Variants in FAM200B observed in about 807,000 individuals in gnomAD.
The protein encoded by FAM200B is zinc finger BED-type containing 11, also known as protein FAM200B.
In FAM200B, 32 loss-of-function variants were observed where a neutral mutation model predicts 33.1. The observed-to-expected ratio is 0.97, with a 90% confidence interval of 0.73 to 1.30. FAM200B has a LOEUF of 1.30. Ranked by LOEUF, FAM200B falls within the 50% of genes most tolerant of loss-of-function variation. The pLI is 0.00. For missense variants in FAM200B, 741 were observed against 754.0 expected, an observed-to-expected ratio of 0.98 and a Z score of 0.20; for synonymous variants, 240 against 264.8, an observed-to-expected ratio of 0.91 and a Z score of 0.91.
At chr4:15,648,200 A>G in the FAM200B span, among the ~76,000 whole-genome samples, 398 of 152,264 alleles carry the variant, frequency 2.6e-3, 1 homozygote, top group African/African-American at 9.2e-3. Context: ...CACAGAATAT[A>G]AGCCCTACCT....
At chr4:15,660,676 G>T in the FAM200B span, among the ~76,000 whole-genome samples, 1 of 152,124 alleles carries the variant, frequency 6.6e-6, no homozygotes, top group African/African-American at 2.4e-5. Flanking sequence ...AGTGATAAAA[G>T]GTGCTAGATT....
At chr4:15,674,993 T>A in the FAM200B span, among the ~76,000 whole-genome samples, 9 of 152,072 alleles carry the variant, frequency 5.9e-5, no homozygotes, top group African/African-American at 2.2e-4. Context: ...ATACCTACAA[T>A]CATTGTTTGC....
Position 15,689,037 on chromosome 4 carries a change from C to G in FAM200B, c.*86C>G, listed in dbSNP as rs1471438142. ...GTTATATTTAAATGGTACTATAATA[C>G]TGTGATACTTTTGTTATGTTTTAAT... On this transcript the variant is annotated 3_prime_UTR_variant, in exon 2 of 2. Coordinates refer to ENST00000422728, the MANE Select transcript of FAM200B (RefSeq NM_001145191.2). 3 of 953,810 alleles carry G rather than the reference C, an allele frequency of 3.1e-6. No homozygotes were observed. The African/African-American group carries it at 5.1e-5, about 16-fold the overall frequency. The allele number at this position is 953,810 out of a possible 1,614,324, so 59.1% of individuals were successfully genotyped here.
the FAM200B span, among the ~76,000 whole-genome samples, chr4:15,675,484 C>G: frequency 6.6e-6 from 1 of 151,776 alleles, no homozygotes; most frequent in African/African-American, 2.4e-5. Context: ...AAATTCAAGT[C>G]TTAGCTACCA....
At chr4:15,678,050 C>T (rs569384944), upstream of FAM200B, among the ~76,000 whole-genome samples, 38 of 152,096 alleles carry the variant, frequency 2.5e-4, no homozygotes, top group Non-Finnish European at 4.1e-4. Flanking sequence ...ATTAAATGGG[C>T]GGGTGGGTGT....
chr4:15,676,475 A>G, the FAM200B span, among the ~76,000 whole-genome samples: 4 of 152,188 alleles, frequency 2.6e-5, no homozygotes, highest in Non-Finnish European at 1.5e-5. Context: ...TTATATATTA[A>G]GAGAGACAAA....
At chr4:15,646,541 A>T in the FAM200B span, among the ~76,000 whole-genome samples, 2 of 148,676 alleles carry the variant, frequency 1.3e-5, no homozygotes, top group Admixed American at 7.8e-5. Flanking sequence ...AATGCTAAAT[A>T]TTTTTTATTA....
At chr4:15,652,679 C>G in the FAM200B span, among the ~76,000 whole-genome samples, 5 of 152,086 alleles carry the variant, frequency 3.3e-5, no homozygotes, top group Non-Finnish European at 5.9e-5. Flanking sequence ...CTGGCTTAAG[C>G]ATATAAGTGG....
chr4:15,677,630 A>G (rs1304670102), upstream of FAM200B, among the ~76,000 whole-genome samples: 4 of 152,300 alleles, frequency 2.6e-5, no homozygotes, highest in African/African-American at 2.4e-5. Context: ...AAACACATTA[A>G]TGTGCTGGGA....
the FAM200B span, among the ~76,000 whole-genome samples, chr4:15,639,801 C>A: frequency 1.8e-4 from 28 of 152,082 alleles, no homozygotes; most frequent in African/African-American, 6.8e-4. Context: ...AAAATACTAT[C>A]GGGGTTTCTT....
the FAM200B span, among the ~76,000 whole-genome samples, chr4:15,650,660 T>C: frequency 8.1e-6 from 1 of 124,172 alleles, no homozygotes; most frequent in African/African-American, 2.9e-5. Flanking sequence ...TAACTGACTT[T>C]CTTTTTTTTT....
At chr4:15,668,740 G>A in the FAM200B span, among the ~76,000 whole-genome samples, 1 of 152,114 alleles carries the variant, frequency 6.6e-6, no homozygotes, top group African/African-American at 2.4e-5. Context: ...CAAGTTCCCA[G>A]ACTAATTTCT....
chr4:15,666,837 C>G, the FAM200B span, among the ~76,000 whole-genome samples: 7 of 150,836 alleles, frequency 4.6e-5, no homozygotes, highest in African/African-American at 1.5e-4. Context: ...CAAAACTAAA[C>G]TAAACTAAGA....
At position 15,689,299 on chromosome 4, in the gene FAM200B, G is replaced by A; in HGVS notation, c.*348G>A. ...GAAAGAGTAGTAAGAAGGAAGGTCA[G>A]GGAAGTACTGGGGAACCAAACCATG... On this transcript the variant is annotated 3_prime_UTR_variant, in exon 2 of 2. Transcript: ENST00000422728. 5.7e-6 allele frequency: 1 copy of A among 176,694 alleles called. No individual in the cohort carries two copies. The highest frequency in any genetic ancestry group is 1.3e-5 in the Non-Finnish European group (1 of 74,784). The allele number at this position is 176,694 out of a possible 1,614,324, so 10.9% of individuals were successfully genotyped here. A position where few individuals can be genotyped will look rare whatever the true frequency, so the allele number is the denominator to read the frequency against.
At chr4:15,680,774 T>G (rs890945097), upstream of FAM200B, among the ~76,000 whole-genome samples, 4 of 151,958 alleles carry the variant, frequency 2.6e-5, no homozygotes, top group Admixed American at 6.6e-5. Flanking sequence ...AGAGAAATGC[T>G]GATAAAGTCG....
chr4:15,662,534 A>T, the FAM200B span, among the ~76,000 whole-genome samples: 10 of 152,342 alleles, frequency 6.6e-5, no homozygotes, highest in African/African-American at 2.2e-4. Flanking sequence ...CTATCCCAAG[A>T]GATCATCAGA....
chr4:15,673,373 C>T, the FAM200B span, among the ~76,000 whole-genome samples: 1 of 151,926 alleles, frequency 6.6e-6, no homozygotes, highest in East Asian at 1.9e-4. Flanking sequence ...CCCAGAAGGT[C>T]GAGGCTGCAG....
In FAM200B at chr4:15,688,267, A is replaced by C; in HGVS notation, c.1290A>C (p.Ala430=). 1 of 1,548,342 alleles carries C rather than the reference A, an allele frequency of 6.5e-7. No individual in the cohort carries two copies. Among genetic ancestry groups the C allele is most frequent in the Middle Eastern group, 1.7e-4 (1 of 5,972 alleles). The change falls in exon 2 of 2, where the codon GCA becomes GCC. Residue 430 remains alanine, a synonymous_variant. Transcript: ENST00000422728. ...ATGATACTTGGGTAACAAAATTGGC[A>C]TATTTAACTGATATTTTTAGCATTC... ...FEDDTWVTKL[A]YLTDIFSILN...
At chr4:15,654,746 G>A in the FAM200B span, among the ~76,000 whole-genome samples, 3 of 152,228 alleles carry the variant, frequency 2.0e-5, no homozygotes, top group African/African-American at 7.2e-5. Context: ...TCTGCACGGA[G>A]AGCCCCGAAC....
Sources: allele counts gnomAD v4.1 joint callset (sites outside exome capture counted in the v4.1 genomes callset), GRCh38; gene constraint gnomAD v4.1.1; transcripts MANE v1.5; gene names NCBI Gene and HGNC (gene_info 2026-07-23, HGNC 2026-07-21).